BMP2K: variants seen among roughly 807,000 people sequenced by gnomAD.
BMP2K encodes BMP-2-inducible protein kinase.
A neutral mutation model predicts 116.0 loss-of-function variants in BMP2K; 74 were observed. That is an observed-to-expected ratio of 0.64 (90% CI 0.53 to 0.77). The LOEUF (loss-of-function observed/expected upper bound fraction) is 0.77, where lower values mean the gene tolerates loss of function less well. Ranked by LOEUF, BMP2K falls within the 30% of genes least tolerant of loss-of-function variation. BMP2K has a pLI of 0.00. For synonymous variants in BMP2K, 486 were observed against 502.5 expected (o/e 0.97, Z 0.44); for missense variants, 1,365 against 1,403.6 (o/e 0.97, Z 0.44).
At chr4:78,806,972 C>T (rs960865046) in intron 1 of BMP2K, among the ~76,000 whole-genome samples, 3 of 151,920 alleles carry the variant, frequency 2.0e-5, no homozygotes, top group East Asian at 1.9e-4. Context: ...GCATCAGCTT[C>T]CCGAGTAGCT....
intron 15 of BMP2K, among the ~76,000 whole-genome samples, chr4:78,904,048 A>G (rs1734158279): frequency 6.6e-6 from 1 of 152,014 alleles, no homozygotes; most frequent in Non-Finnish European, 1.5e-5. Context: ...TATGCTTTCA[A>G]GATATAATTG....
intron 1 of BMP2K, among the ~76,000 whole-genome samples, chr4:78,808,426 C>T (rs545862133): frequency 9.2e-5 from 14 of 152,078 alleles, no homozygotes; most frequent in South Asian, 2.1e-4. Context: ...CCACCGCACC[C>T]GGCTAATTTT....
chr4:78,876,203 C>T (rs554508798), intron 13 of BMP2K, among the ~76,000 whole-genome samples: 28 of 151,622 alleles, frequency 1.8e-4, no homozygotes, highest in African/African-American at 6.3e-4. Flanking sequence ...GAATGATTGA[C>T]AGACAGGAGG....
chr4:78,811,335 G>A (rs1364917362), intron 1 of BMP2K, among the ~76,000 whole-genome samples: 2 of 152,114 alleles, frequency 1.3e-5, no homozygotes, highest in African/African-American at 2.4e-5. Flanking sequence ...AGTATTTTGC[G>A]GCAGGTGTGT....
chr4:78,795,930 G>T (rs28881880), intron 1 of BMP2K, among the ~76,000 whole-genome samples: 17,608 of 149,738 alleles, frequency 0.12, 2,959 homozygotes, highest in African/African-American at 0.39. Context: ...GGAACACTTT[G>T]ACACTGTTGG....
intron 1 of BMP2K, among the ~76,000 whole-genome samples, chr4:78,811,113 T>C (rs758500634): frequency 3.5e-4 from 53 of 152,244 alleles, no homozygotes; most frequent in Non-Finnish European, 6.0e-4. Flanking sequence ...CTTTTTGTTT[T>C]TGTGTGCCTT....
intron 1 of BMP2K, among the ~76,000 whole-genome samples, chr4:78,819,874 A>G (rs1443335825): frequency 6.6e-6 from 1 of 152,206 alleles, no homozygotes; most frequent in Non-Finnish European, 1.5e-5. Context: ...CATTGTTAAT[A>G]TAAAGGACAA....
intron 2 of BMP2K, among the ~76,000 whole-genome samples, chr4:78,832,110 A>G (rs1052088935): frequency 2.5e-4 from 38 of 152,214 alleles, no homozygotes; most frequent in African/African-American, 8.9e-4. Context: ...TTTGATGAGC[A>G]TTTGGGCTGT....
At chr4:78,829,782 T>TCTCTTCTCTTCTC (rs1560518659) in intron 2 of BMP2K, among the ~76,000 whole-genome samples, 34 of 64,574 alleles carry the variant, frequency 5.3e-4, no homozygotes, top group African/African-American at 2.2e-3. Flanking sequence ...TTTCTTTTCT[T>TCTCTTCTCTTCTC]TTCTTTTCTC....
chr4:78,781,130 T>G (rs1478945325), intron 1 of BMP2K, among the ~76,000 whole-genome samples: 1 of 152,102 alleles, frequency 6.6e-6, no homozygotes, highest in East Asian at 1.9e-4. Flanking sequence ...GTGACCAGGG[T>G]CCGGGGCTTA....
chr4:78,840,447 A>C (rs1730705492), intron 3 of BMP2K, among the ~76,000 whole-genome samples: 1 of 151,990 alleles, frequency 6.6e-6, no homozygotes, highest in Non-Finnish European at 1.5e-5. Flanking sequence ...GCGATAGATG[A>C]TTGGCTGTTT....
intron 1 of BMP2K, among the ~76,000 whole-genome samples, chr4:78,795,683 A>C (rs1232633592): frequency 6.6e-6 from 1 of 152,124 alleles, no homozygotes; most frequent in Non-Finnish European, 1.5e-5. Flanking sequence ...AACTCTAACA[A>C]ATTTCCAAGA....
intron 4 of BMP2K, 48 bp from the exon 5 acceptor site, chr4:78,844,880 A>T: frequency 2.0e-6 from 3 of 1,496,540 alleles, no homozygotes; most frequent in South Asian, 1.2e-5. Context: ...GTAAAAAGTT[A>T]ATTTTCACTT....
Position 78,887,218 on chromosome 4 carries a change from C to A in BMP2K, c.1996C>A (p.Leu666Ile). ...RASSDKNVDS[L>I]SAPHNHPPED... Reference sequence around the variant, plus strand: ...ATCCTCAGATAAGAATGTAGACTCACTTTCTGCTCCACATAACCATCCTCC... The same window carrying A: ...ATCCTCAGATAAGAATGTAGACTCAATTTCTGCTCCACATAACCATCCTCC... Residue 666 changes from leucine to isoleucine, a missense_variant, in exon 15 of 16, where the codon CTT (leucine) becomes ATT (isoleucine). By Grantham distance (5) the Leu-to-Ile change is conservative. Transcript: ENST00000502613. 6.2e-7 allele frequency: 1 copy of A among 1,611,944 alleles called. No individual in the cohort carries two copies. Among genetic ancestry groups the A allele is most frequent in the Non-Finnish European group, 8.5e-7 (1 of 1,179,046 alleles).
At chr4:78,782,591 T>G (rs1017990632) in intron 1 of BMP2K, among the ~76,000 whole-genome samples, 2 of 152,186 alleles carry the variant, frequency 1.3e-5, no homozygotes, top group African/African-American at 4.8e-5. Context: ...TCTAGTTTGG[T>G]GAAGACAAAC....
intron 1 of BMP2K, among the ~76,000 whole-genome samples, chr4:78,822,956 TAAGTGCATTCTTCAA>T (rs1729693345): frequency 6.6e-6 from 1 of 152,164 alleles, no homozygotes; most frequent in Non-Finnish European, 1.5e-5. Context: ...TACCTCCCTG[TAAGTGCATTCTTCAA>T]ACAGAAATAA....
intron 3 of BMP2K, among the ~76,000 whole-genome samples, chr4:78,837,655 CT>C (rs1024474472): frequency 2.0e-4 from 30 of 152,302 alleles, no homozygotes; most frequent in African/African-American, 6.3e-4. Context: ...CTTTCCACCC[CT>C]GACCCTTCTT....
intron 15 of BMP2K, chr4:78,898,974 T>C (rs943102126): frequency 1.3e-5 from 2 of 152,184 alleles, no homozygotes; most frequent in African/African-American, 4.8e-5. Context: ...CTGCACTAAG[T>C]TGGACCTCAA....
At chr4:78,808,783 A>T (rs1430301114) in intron 1 of BMP2K, among the ~76,000 whole-genome samples, 7 of 151,118 alleles carry the variant, frequency 4.6e-5, no homozygotes, top group Non-Finnish European at 1.0e-4. Context: ...TCTTTTTTTT[A>T]TTGATTTCTA....
Sources: allele counts gnomAD v4.1 joint callset (sites outside exome capture counted in the v4.1 genomes callset), GRCh38; gene constraint gnomAD v4.1.1; transcripts MANE v1.5; gene names NCBI Gene and HGNC (gene_info 2026-07-23, HGNC 2026-07-21).